The following INPP4B variants were observed in gnomAD, a reference collection of about 807,000 sequenced individuals.
INPP4B encodes inositol polyphosphate 4-phosphatase type II.
In INPP4B, 55 loss-of-function variants were observed where a neutral mutation model predicts 122.5. The ratio of observed to expected loss-of-function variants is 0.45; its 90% confidence interval spans 0.36 to 0.56. INPP4B has a LOEUF of 0.56. INPP4B is among the 20% of genes least tolerant of loss of function. The pLI, the probability that INPP4B is intolerant of heterozygous loss-of-function variation, is 0.00. For synonymous variants in INPP4B, 403 were observed against 388.7 expected, an observed-to-expected ratio of 1.04 and a Z score of -0.43; for missense variants, 1,000 against 1,097.7, an observed-to-expected ratio of 0.91 and a Z score of 1.26.
At chr4:142,659,781 G>C (rs537542744) in intron 2 of INPP4B, among the ~76,000 whole-genome samples, 43 of 152,152 alleles carry the variant, frequency 2.8e-4, no homozygotes, top group Admixed American at 9.8e-4. Flanking sequence ...CACTCATCTG[G>C]GTGTCTCACA....
chr4:142,571,047 C>A (rs1278571169), intron 2 of INPP4B, among the ~76,000 whole-genome samples: 1 of 143,400 alleles, frequency 7.0e-6, no homozygotes, highest in East Asian at 2.0e-4. Context: ...GAGACTATCC[C>A]AAAGAATTCC....
chr4:142,145,735 T>C, intron 18 of INPP4B, 105 bp downstream of exon 18: 3 of 1,087,064 alleles, frequency 2.8e-6, no homozygotes, highest in Non-Finnish European at 4.1e-6. Flanking sequence ...ATCAGCACTC[T>C]CATCAAAGAT....
At chr4:142,681,394 T>C (rs529599166) in intron 2 of INPP4B, among the ~76,000 whole-genome samples, 1 of 151,868 alleles carries the variant, frequency 6.6e-6, no homozygotes, top group Admixed American at 6.6e-5. Flanking sequence ...GGACCTAAGG[T>C]CTTAAATAGA....
chr4:142,506,948 T>C (rs940463176), intron 2 of INPP4B, among the ~76,000 whole-genome samples: 1 of 152,148 alleles, frequency 6.6e-6, no homozygotes, highest in Non-Finnish European at 1.5e-5. Context: ...ATTTCATAAT[T>C]ATGCCTTATT....
intron 18 of INPP4B, among the ~76,000 whole-genome samples, chr4:142,131,064 A>G (rs905560907): frequency 3.9e-5 from 6 of 152,216 alleles, no homozygotes; most frequent in Admixed American, 3.9e-4. Flanking sequence ...TTGTAGCACA[A>G]AAGTTTTAAA....
At chr4:142,734,835 G>C (rs759849297) in intron 1 of INPP4B, among the ~76,000 whole-genome samples, 15 of 152,102 alleles carry the variant, frequency 9.9e-5, no homozygotes, top group African/African-American at 3.6e-4. Flanking sequence ...AGTAGAGATG[G>C]GGTTACACCA....
At chr4:142,425,459 C>G (rs1285960542) in intron 5 of INPP4B, among the ~76,000 whole-genome samples, 1 of 150,896 alleles carries the variant, frequency 6.6e-6, no homozygotes, top group Non-Finnish European at 1.5e-5. Flanking sequence ...CAACGTATAA[C>G]TTGGTTTCAT....
chr4:142,032,801 T>C (rs1042773736), intron 25 of INPP4B, among the ~76,000 whole-genome samples: 2 of 152,198 alleles, frequency 1.3e-5, no homozygotes, highest in African/African-American at 4.8e-5. Flanking sequence ...GTAGCTCATG[T>C]AAGTCAATTC....
chr4:142,337,082 T>C (rs1579776742), intron 7 of INPP4B, among the ~76,000 whole-genome samples: 1 of 152,122 alleles, frequency 6.6e-6, no homozygotes, highest in Non-Finnish European at 1.5e-5. Flanking sequence ...ATACTATATA[T>C]ATTCCTTTGC....
intron 7 of INPP4B, among the ~76,000 whole-genome samples, chr4:142,396,073 T>A (rs949645391): frequency 6.6e-6 from 1 of 152,088 alleles, no homozygotes; most frequent in Admixed American, 6.5e-5. Flanking sequence ...ACAGTATTTT[T>A]AAAAAGAGGG....
chr4:142,666,541 T>C (rs1438841063), intron 2 of INPP4B, among the ~76,000 whole-genome samples: 1 of 152,114 alleles, frequency 6.6e-6, no homozygotes, highest in African/African-American at 2.4e-5. Context: ...GAAAATCTTA[T>C]AATACAATAT....
chr4:142,211,293 G>C (rs925424911), intron 12 of INPP4B, among the ~76,000 whole-genome samples: 9 of 152,000 alleles, frequency 5.9e-5, no homozygotes, highest in African/African-American at 2.2e-4. Flanking sequence ...GTAAAGAAGA[G>C]GTACATTCAT....
intron 1 of INPP4B, among the ~76,000 whole-genome samples, chr4:142,754,830 C>A (rs1770271669): frequency 6.6e-6 from 1 of 151,932 alleles, no homozygotes; most frequent in Non-Finnish European, 1.5e-5. Context: ...AAACTCTGAT[C>A]CATAGGCTTT....
At chr4:142,164,561 A>G (rs181164736) in intron 16 of INPP4B, among the ~76,000 whole-genome samples, 154 of 151,864 alleles carry the variant, frequency 1.0e-3, no homozygotes, top group African/African-American at 3.5e-3. Context: ...ACTAACAGCT[A>G]GGAGGTTACT....
At chr4:142,506,806 C>A (rs893359078) in intron 2 of INPP4B, among the ~76,000 whole-genome samples, 1 of 152,020 alleles carries the variant, frequency 6.6e-6, no homozygotes, top group Non-Finnish European at 1.5e-5. Context: ...AATGACAGTC[C>A]TAATATCCAA....
In INPP4B at chr4:142,193,152, A is replaced by G; in HGVS notation, c.1116T>C (p.His372=). ...DVITVGAPAA[H]FQGFKNGGLR... ...GACCACCATTCTTAAATCCCTGAAA[A>G]TGGGCAGCTGGGGCTCCCACAGTGA... Residue 372 remains histidine, a synonymous_variant, in exon 15 of 26, where the codon CAT becomes CAC. Coordinates refer to ENST00000262992, the MANE Select transcript of INPP4B (RefSeq NM_001101669.3). The G allele has an allele frequency of 6.2e-7, 1 of 1,613,268 alleles. No homozygotes were observed. The highest frequency in any genetic ancestry group is 8.5e-7 in the Non-Finnish European group (1 of 1,179,270).
intron 25 of INPP4B, among the ~76,000 whole-genome samples, chr4:142,055,135 AT>A (rs1465436422): frequency 2.0e-5 from 3 of 152,092 alleles, no homozygotes; most frequent in Non-Finnish European, 4.4e-5. Flanking sequence ...TGCACTTATA[AT>A]TCCAAAGTAA....
At chr4:142,292,761 C>T (rs945305730) in intron 9 of INPP4B, among the ~76,000 whole-genome samples, 1 of 152,124 alleles carries the variant, frequency 6.6e-6, no homozygotes, top group Non-Finnish European at 1.5e-5. Context: ...AGTGTGTTTA[C>T]TTCCCAATTT....
At chr4:142,808,774 T>G (rs1779157218) in intron 1 of INPP4B, among the ~76,000 whole-genome samples, 1 of 152,156 alleles carries the variant, frequency 6.6e-6, no homozygotes, top group African/African-American at 2.4e-5. Flanking sequence ...TGTTAGAATA[T>G]TTATTTATAT....
Sources: gnomAD v4.1 joint callset for allele counts (sites outside exome capture counted in the v4.1 genomes callset) on GRCh38, gnomAD v4.1.1 for gene constraint, MANE v1.5 for transcripts, NCBI Gene and HGNC (gene_info 2026-07-23, HGNC 2026-07-21) for gene names.